NAA25: variants seen among roughly 807,000 people sequenced by gnomAD.
NAA25 encodes N-alpha-acetyltransferase 25, NatB auxiliary subunit.
Under a neutral mutation model 132.5 loss-of-function variants are expected in NAA25, and 30 were observed. The ratio of observed to expected loss-of-function variants is 0.23; its 90% confidence interval spans 0.17 to 0.31. The LOEUF (loss-of-function observed/expected upper bound fraction) is 0.31, where lower values mean the gene tolerates loss of function less well. Among genes scored for constraint, NAA25 ranks in the 10% least tolerant of loss-of-function variants. The pLI is 1.00. For synonymous variants in NAA25, 359 were observed against 401.9 expected (o/e 0.89, Z 1.28); for missense variants, 771 against 1,150.4 (o/e 0.67, Z 4.77).
rs1566032213 is a variant in NAA25, at chr12:112,093,031, T to G, written c.144+20A>C. Reference sequence around the variant, plus strand: ...ATATAACCCGCCACAGGTAAGTAACTGAAGGGCAAATGAAGTTACCTTAGC... The same window carrying G: ...ATATAACCCGCCACAGGTAAGTAACGGAAGGGCAAATGAAGTTACCTTAGC... On this transcript the variant is annotated intron_variant, in intron 2 of 23. Transcript: ENST00000261745. The G allele has an allele frequency of 1.3e-6, 2 of 1,566,976 alleles. No individual in the cohort carries two copies. The highest frequency in any genetic ancestry group is 1.7e-6 in the Non-Finnish European group (2 of 1,143,874).
chr12:112,070,996 C>T (rs1593795683), intron 10 of NAA25, among the ~76,000 whole-genome samples: 4 of 152,244 alleles, frequency 2.6e-5, no homozygotes, highest in Admixed American at 6.5e-5. Context: ...ATCCGCCCGC[C>T]TTGGCCTCCC....
intron 22 of NAA25, among the ~76,000 whole-genome samples, chr12:112,038,168 C>G (rs2078251459): frequency 6.6e-6 from 1 of 152,122 alleles, no homozygotes; most frequent in Non-Finnish European, 1.5e-5. Context: ...TGCTCACCAC[C>G]ATGCCCGACT....
intron 20 of NAA25, among the ~76,000 whole-genome samples, 184 bp from the exon 21 acceptor site, chr12:112,040,762 T>C (rs1048585634): frequency 6.6e-6 from 1 of 152,224 alleles, no homozygotes; most frequent in African/African-American, 2.4e-5. Flanking sequence ...TAAAAAGCCA[T>C]GCTGTTGCTC....
chr12:112,068,846 C>A (rs764474671), intron 11 of NAA25, 34 bp downstream of exon 11: 15 of 1,181,290 alleles, frequency 1.3e-5, no homozygotes, highest in Admixed American at 2.3e-5. Flanking sequence ...CAAATAGAGG[C>A]ACCCAACAAA....
At chr12:112,100,520 A>G (rs1185777214) in intron 1 of NAA25, among the ~76,000 whole-genome samples, 1 of 151,216 alleles carries the variant, frequency 6.6e-6, no homozygotes, top group Non-Finnish European at 1.5e-5. Context: ...TATCTTTTTT[A>G]CATGCACACC....
intron 2 of NAA25, 49 bp from the exon 3 acceptor site, chr12:112,090,913 A>G (rs1230042037): frequency 1.3e-6 from 2 of 1,538,794 alleles, no homozygotes; most frequent in Non-Finnish European, 1.8e-6. Context: ...AGAAAAGGAA[A>G]TATGAACCAA....
At chr12:112,089,737 T>C (rs1172564515) in intron 3 of NAA25, among the ~76,000 whole-genome samples, 1 of 152,020 alleles carries the variant, frequency 6.6e-6, no homozygotes, top group Non-Finnish European at 1.5e-5. Flanking sequence ...CTCACGGCTG[T>C]AATCCCAGCT....
At chr12:112,034,911 T>C (rs1028388462) in intron 22 of NAA25, 4 of 151,922 alleles carry the variant, frequency 2.6e-5, no homozygotes, top group African/African-American at 9.7e-5. Flanking sequence ...ATTCAAAAAT[T>C]AGAACCAACA....
chr12:112,099,610 G>A (rs2079262496), intron 1 of NAA25, among the ~76,000 whole-genome samples: 2 of 152,232 alleles, frequency 1.3e-5, no homozygotes, highest in South Asian at 4.1e-4. Context: ...TTTGTTGAAT[G>A]AACGCACAAG....
rs1291778426 is a variant in NAA25, at chr12:112,059,849, C to T, written c.1447+421G>A. Among the ~76,000 whole-genome samples, 6 of 151,214 alleles carry T rather than the reference C, an allele frequency of 4.0e-5. No individual in the cohort carries two copies. In the East Asian group the frequency reaches 7.8e-4, roughly 20 times the overall value. On this transcript the variant is annotated intron_variant, in intron 13 of 23. Transcript: ENST00000261745. Reference sequence around the variant, plus strand: ...TTGAGACGGAGTCTTGCTCTGTTGCCCAGGCTGAAGTGCAGTGGCATGATC... The same window carrying T: ...TTGAGACGGAGTCTTGCTCTGTTGCTCAGGCTGAAGTGCAGTGGCATGATC...
At chr12:112,061,136 T>C in intron 12 of NAA25, 45 bp downstream of exon 12, 1 of 1,549,980 alleles carries the variant, frequency 6.5e-7, no homozygotes, top group Non-Finnish European at 8.8e-7. Context: ...TTCTAAGTCT[T>C]AGTGTAGATC....
At chr12:112,101,839 G>C (rs1247267507) in intron 1 of NAA25, among the ~76,000 whole-genome samples, 2 of 150,944 alleles carry the variant, frequency 1.3e-5, no homozygotes, top group Non-Finnish European at 2.9e-5. Context: ...ATGGCTACCA[G>C]CTATTAAATT....
chr12:112,075,408 C>G (rs1168837207), intron 8 of NAA25, among the ~76,000 whole-genome samples: 1 of 152,042 alleles, frequency 6.6e-6, no homozygotes, highest in African/African-American at 2.4e-5. Context: ...AGGCTGGTCT[C>G]AAACTCCTGA....
intron 21 of NAA25, 34 bp from the exon 22 acceptor site, chr12:112,039,373 A>ATTACACTAAAAATATCTAT: frequency 8.1e-7 from 1 of 1,241,112 alleles, no homozygotes; most frequent in South Asian, 1.3e-5. Context: ...ACCAATAAGG[A>ATTACACTAAAAATATCTAT]TTACACTAAA....
Position 112,093,064 on chromosome 12 carries a change from A to C in NAA25, c.131T>G (p.Leu44Arg). Residue 44 changes from leucine (L) to arginine (R), a missense_variant, in exon 2 of 24, where the codon CTT becomes CGT. Transcript: ENST00000261745. ...ADKLLKKHKD[L>R]HCAKVLKAIG... ...AAATGAAGTTACCTTAGCACAATGA[A>C]GATCCTTATGTTTCTTCAACAGTTT... 1 of 1,610,610 alleles carries C rather than the reference A, an allele frequency of 6.2e-7. No individual in the cohort carries two copies. The highest frequency in any genetic ancestry group is 8.5e-7 in the Non-Finnish European group (1 of 1,177,334).
chr12:112,074,459 A>G (rs1227298072), intron 9 of NAA25, among the ~76,000 whole-genome samples: 1 of 152,130 alleles, frequency 6.6e-6, no homozygotes, highest in African/African-American at 2.4e-5. Flanking sequence ...GAATGGTAGG[A>G]TAAGTGGAAA....
intron 22 of NAA25, among the ~76,000 whole-genome samples, chr12:112,036,495 G>A (rs1298428729): frequency 6.6e-6 from 1 of 151,980 alleles, no homozygotes; most frequent in Non-Finnish European, 1.5e-5. Flanking sequence ...GGGAAAGAGT[G>A]GAAAGAACTC....
intron 1 of NAA25, among the ~76,000 whole-genome samples, chr12:112,096,322 A>T (rs1312715405): frequency 6.6e-6 from 1 of 152,194 alleles, no homozygotes; most frequent in Non-Finnish European, 1.5e-5. Context: ...CTCTTTGCTC[A>T]TCAAAGTTCC....
At chr12:112,094,722 C>T (rs978758020) in intron 1 of NAA25, among the ~76,000 whole-genome samples, 1 of 152,164 alleles carries the variant, frequency 6.6e-6, no homozygotes, top group Non-Finnish European at 1.5e-5. Context: ...TGCAATGGCA[C>T]AATCTTGACT....
Sources: allele counts gnomAD v4.1 joint callset (sites outside exome capture counted in the v4.1 genomes callset), GRCh38; gene constraint gnomAD v4.1.1; transcripts MANE v1.5; gene names NCBI Gene and HGNC (gene_info 2026-07-23, HGNC 2026-07-21).